ITCH: variants seen among roughly 807,000 people sequenced by gnomAD.
ITCH encodes itchy E3 ubiquitin protein ligase, also known as E3 ubiquitin-protein ligase Itchy homolog.
In ITCH, 28 loss-of-function variants were observed where a neutral mutation model predicts 126.8. That is an observed-to-expected ratio of 0.22 (90% CI 0.16 to 0.30). ITCH has a LOEUF of 0.30. Ranked by LOEUF, ITCH falls within the 10% of genes least tolerant of loss-of-function variation. ITCH has a pLI of 1.00. For missense variants in ITCH, 631 were observed against 1,032.4 expected, an observed-to-expected ratio of 0.61 and a Z score of 5.33; for synonymous variants, 342 against 340.0, an observed-to-expected ratio of 1.01 and a Z score of -0.06.
intron 10 of ITCH, among the ~76,000 whole-genome samples, chr20:34,443,412 G>T (rs1480441331): frequency 6.6e-6 from 1 of 151,868 alleles, no homozygotes; most frequent in Non-Finnish European, 1.5e-5. Flanking sequence ...GGAGGCTGAG[G>T]CAGGAGAATG....
intron 14 of ITCH, among the ~76,000 whole-genome samples, chr20:34,468,355 A>G (rs1229989820): frequency 6.6e-6 from 1 of 152,050 alleles, no homozygotes; most frequent in Non-Finnish European, 1.5e-5. Flanking sequence ...TATTGGAAAA[A>G]AAAAATGTAA....
At chr20:34,432,181 A>T (rs1568933858) in intron 7 of ITCH, among the ~76,000 whole-genome samples, 1 of 152,162 alleles carries the variant, frequency 6.6e-6, no homozygotes, top group Non-Finnish European at 1.5e-5. Context: ...TTAACGCCTT[A>T]GCTTATCCCA....
intron 3 of ITCH, among the ~76,000 whole-genome samples, chr20:34,396,359 C>T (rs1312039045): frequency 6.6e-6 from 1 of 151,812 alleles, no homozygotes; most frequent in Non-Finnish European, 1.5e-5. Flanking sequence ...GCAGCTGCAC[C>T]GTTTTGCATT....
At chr20:34,469,854 T>C (rs1422332867) in intron 14 of ITCH, among the ~76,000 whole-genome samples, 194 bp from the exon 15 acceptor site, 1 of 152,186 alleles carries the variant, frequency 6.6e-6, no homozygotes, top group East Asian at 1.9e-4. Context: ...AAGTTTTTTG[T>C]TTGTTTTTTC....
chr20:34,510,415 G>T lies in ITCH; in HGVS notation c.*2621G>T. The T allele has an allele frequency of 7.2e-6, 1 of 139,112 alleles. No homozygotes were observed. The allele number at this position is 139,112 out of a possible 1,614,324, so 8.6% of individuals were successfully genotyped here. On this transcript the variant is annotated 3_prime_UTR_variant, in exon 25 of 25. Coordinates refer to ENST00000374864, the MANE Select transcript of ITCH (RefSeq NM_031483.7). ...CTTTTAGAAGTCTTTTTCTTTGTAA[G>T]CATTGTAAATGCTAATAAATCCTGT...
At chr20:34,395,544 C>T (rs566091474) in intron 3 of ITCH, among the ~76,000 whole-genome samples, 1 of 152,292 alleles carries the variant, frequency 6.6e-6, no homozygotes, top group African/African-American at 2.4e-5. Flanking sequence ...ACCATCACCA[C>T]AATCAACTTT....
chr20:34,430,047 C>T (rs1488443802), intron 7 of ITCH, among the ~76,000 whole-genome samples: 1 of 152,124 alleles, frequency 6.6e-6, no homozygotes, highest in Non-Finnish European at 1.5e-5. Context: ...GGAGAAATGG[C>T]ATTTGGTGAT....
chr20:34,474,148 A>G (rs1987902970), intron 16 of ITCH, among the ~76,000 whole-genome samples: 1 of 152,262 alleles, frequency 6.6e-6, no homozygotes, highest in Admixed American at 6.5e-5. Context: ...ATATAACCAA[A>G]ATAAAAATTG....
At chr20:34,388,041 CACAATGGTTT>C (rs2038352654) in intron 2 of ITCH, among the ~76,000 whole-genome samples, 1 of 152,032 alleles carries the variant, frequency 6.6e-6, no homozygotes, top group East Asian at 1.9e-4. Context: ...TGGTTCCAGT[CACAATGGTTT>C]ACAGTGCTAA....
intron 2 of ITCH, among the ~76,000 whole-genome samples, chr20:34,374,131 A>T (rs549330943): frequency 1.4e-3 from 216 of 152,194 alleles, no homozygotes; most frequent in Non-Finnish European, 1.4e-3. Context: ...TTAAGACAAG[A>T]TAAGCTCCAG....
chr20:34,481,047 G>C lies in ITCH; in HGVS notation c.1953-19G>C, dbSNP rs777216397. Reference sequence around the variant, plus strand: ...TGAATTGGTGGATATAACAAATAGTGCTAATTTCATTTGTGCAGGGAAAAC... The same window carrying C: ...TGAATTGGTGGATATAACAAATAGTCCTAATTTCATTTGTGCAGGGAAAAC... On this transcript the variant is annotated intron_variant, in intron 19 of 24. Transcript: ENST00000374864. 1.9e-6 allele frequency: 3 copies of C among 1,611,830 alleles called. No homozygotes were observed. The South Asian group carries it at 3.3e-5, about 18-fold the overall frequency.
chr20:34,431,415 A>G (rs1982272077), intron 7 of ITCH, among the ~76,000 whole-genome samples: 2 of 151,752 alleles, frequency 1.3e-5, no homozygotes, highest in South Asian at 4.2e-4. Flanking sequence ...TCTTGTCTTT[A>G]AAAAAAGGAA....
intron 7 of ITCH, among the ~76,000 whole-genome samples, chr20:34,425,349 C>A (rs747830450): frequency 6.6e-6 from 1 of 152,168 alleles, no homozygotes; most frequent in Non-Finnish European, 1.5e-5. Flanking sequence ...AGGTTTCCCC[C>A]CACTGAGACA....
chr20:34,447,446 T>C (rs1984602305), intron 11 of ITCH, among the ~76,000 whole-genome samples: 1 of 152,172 alleles, frequency 6.6e-6, no homozygotes, highest in African/African-American at 2.4e-5. Flanking sequence ...GAAGTGGCCT[T>C]TGTCCACCAT....
intron 1 of ITCH, among the ~76,000 whole-genome samples, chr20:34,364,171 TAAAG>T (rs1161711138): frequency 6.6e-6 from 1 of 152,208 alleles, no homozygotes; most frequent in Non-Finnish European, 1.5e-5. Context: ...ACGCTGGGCC[TAAAG>T]TTAGTTGGAC....
chr20:34,496,003 CACA>C (rs1292379155), intron 23 of ITCH, among the ~76,000 whole-genome samples: 1 of 150,312 alleles, frequency 6.7e-6, no homozygotes, highest in Non-Finnish European at 1.5e-5. Context: ...GAGGCTGAGG[CACA>C]ACAATTGCTT....
At chr20:34,484,871 C>T (rs927803522) in intron 20 of ITCH, among the ~76,000 whole-genome samples, 1 of 152,098 alleles carries the variant, frequency 6.6e-6, no homozygotes, top group East Asian at 1.9e-4. Flanking sequence ...GCATCATGTC[C>T]ATGTAAATAT....
Position 34,489,342 on chromosome 20 carries a change from C to A in ITCH, c.2170C>A (p.Leu724Ile), listed in dbSNP as rs1205179942. The change falls in exon 21 of 25, where the codon CTT becomes ATT. Residue 724 changes from leucine to isoleucine, a missense_variant. Transcript: ENST00000374864. ...QAFFEGFNEILPQQYLQYFDA... is the reference protein window; with the variant it reads ...QAFFEGFNEIIPQQYLQYFDA... ...TTTCTTTGAAGGCTTTAATGAAATT[C>A]TTCCCCAGCAATATTTGCAATACTT... 2 of 1,613,248 alleles carry A rather than the reference C, an allele frequency of 1.2e-6. No homozygotes were observed. The highest frequency in any genetic ancestry group is 1.7e-6 in the Non-Finnish European group (2 of 1,179,378).
At chr20:34,499,003 C>G (rs1990064187) in intron 23 of ITCH, among the ~76,000 whole-genome samples, 1 of 149,284 alleles carries the variant, frequency 6.7e-6, no homozygotes, top group Non-Finnish European at 1.5e-5. Context: ...GAGACAGAGT[C>G]TTGCTCTTTC....
Sources: gnomAD v4.1 joint callset for allele counts (sites outside exome capture counted in the v4.1 genomes callset) on GRCh38, gnomAD v4.1.1 for gene constraint, MANE v1.5 for transcripts, NCBI Gene and HGNC (gene_info 2026-07-23, HGNC 2026-07-21) for gene names.